STAB2: variants seen among roughly 807,000 people sequenced by gnomAD.
STAB2 encodes stabilin-2.
Under a neutral mutation model 338.1 loss-of-function variants are expected in STAB2, and 288 were observed. That is an observed-to-expected ratio of 0.85 (90% CI 0.77 to 0.94). STAB2 has a LOEUF of 0.94. STAB2 is among the 40% of genes least tolerant of loss of function. STAB2 has a pLI of 0.00. For synonymous variants in STAB2, 1,202 were observed against 1,193.3 expected, an observed-to-expected ratio of 1.01 and a Z score of -0.15; for missense variants, 3,141 against 3,210.1, an observed-to-expected ratio of 0.98 and a Z score of 0.52.
Position 103,655,365 on chromosome 12 carries a change from G to A in STAB2, c.1608+58G>A, listed in dbSNP as rs554431954. ...TTATGTCAAGACTTTTGTAAAATTA[G>A]CAGGGGTGTCAATTATAAATTTCTG... On this transcript the variant is annotated intron_variant, in intron 14 of 68. Coordinates refer to ENST00000388887, the MANE Select transcript of STAB2 (RefSeq NM_017564.10). 8.2e-5 allele frequency: 132 copies of A among 1,603,758 alleles called. No individual in the cohort carries two copies. The Middle Eastern group carries it at 1.5e-3, about 18-fold the overall frequency.
chr12:103,662,928 T>C lies in STAB2; in HGVS notation c.1952T>C (p.Val651Ala). The change falls in exon 18 of 69, where the codon GTT becomes GCT. Residue 651 changes from valine to alanine, a missense_variant. Val to Ala is a moderately conservative substitution (Grantham distance 64). Coordinates refer to ENST00000388887, the MANE Select transcript of STAB2 (RefSeq NM_017564.10). ...GGCCGAATTTACACACTGACAGGAG[T>C]TCTCATTCCTCCCTCCATTGTCCCG... ...KNGRIYTLTG[V>A]LIPPSIVPIL... 1 of 1,613,922 alleles carries C rather than the reference T, an allele frequency of 6.2e-7. No homozygotes were observed. Among genetic ancestry groups the C allele is most frequent in the Non-Finnish European group, 8.5e-7 (1 of 1,179,982 alleles).
At chr12:103,611,359 A>G (rs1387080029) in intron 3 of STAB2, among the ~76,000 whole-genome samples, 12 of 152,162 alleles carry the variant, frequency 7.9e-5, no homozygotes. Flanking sequence ...TTGGTTTATG[A>G]ATCTGGGTGC....
At position 103,638,115 on chromosome 12, in the gene STAB2, G is replaced by A. The variant is rs754981179; in HGVS notation, c.809G>A (p.Gly270Glu). 6.2e-7 allele frequency: 1 copy of A among 1,614,162 alleles called. No homozygotes were observed. The highest frequency in any genetic ancestry group is 1.1e-5 in the South Asian group (1 of 91,078). Reference protein sequence around the residue: ...HSCTCQEGYRGDGQVCLPVDP... With the variant: ...HSCTCQEGYREDGQVCLPVDP... ...TGTACATGCCAAGAAGGCTACCGTG[G>A]GGATGGCCAAGTGTGCTTGCCTGTG... The change falls in exon 8 of 69, where the codon GGG becomes GAG. Residue 270 changes from glycine (G) to glutamate (E), a missense_variant. Physicochemically the swap from Gly to Glu is moderately conservative, Grantham distance 98. Transcript: ENST00000388887.
At chr12:103,740,859 C>T in intron 55 of STAB2, 103 bp downstream of exon 55, 4 of 1,419,624 alleles carry the variant, frequency 2.8e-6, no homozygotes, top group Non-Finnish European at 3.7e-6. Context: ...ATGGGGGAAA[C>T]ACTGCTAATA....
chr12:103,603,134 G>A (rs142470196), intron 3 of STAB2, among the ~76,000 whole-genome samples: 2,425 of 152,126 alleles, frequency 0.016, 74 homozygotes, highest in African/African-American at 0.056. Flanking sequence ...GCAGTGGCGC[G>A]ATCTCGGCTC....
intron 1 of STAB2, among the ~76,000 whole-genome samples, chr12:103,589,633 C>T (rs1336042009): frequency 6.6e-6 from 1 of 152,116 alleles, no homozygotes; most frequent in Non-Finnish European, 1.5e-5. Flanking sequence ...CTCCACTGGG[C>T]CAGCCACAGG....
At chr12:103,756,998 TA>T (rs1884158942) in intron 63 of STAB2, among the ~76,000 whole-genome samples, 1 of 14,506 alleles carries the variant, frequency 6.9e-5, no homozygotes, top group East Asian at 1.6e-3. Context: ...GGAGGGAAAA[TA>T]TATATATATA....
intron 22 of STAB2, among the ~76,000 whole-genome samples, chr12:103,673,276 CA>C (rs560251914): frequency 5.0e-4 from 76 of 152,166 alleles, no homozygotes; most frequent in Non-Finnish European, 8.8e-4. Flanking sequence ...TGGCCTCTTT[CA>C]AAGCGTCACA....
chr12:103,677,343 A>G, intron 24 of STAB2, 110 bp from the exon 25 acceptor site: 1 of 1,394,430 alleles, frequency 7.2e-7, no homozygotes, highest in Non-Finnish European at 9.7e-7. Context: ...CACCTCACTC[A>G]ATGCAAATCT....
At position 103,655,530 on chromosome 12, in the gene STAB2, A is replaced by G; in HGVS notation, c.1683A>G (p.Glu561=). The part of the protein sequence containing the change: ...GPYTIFVPNN[E]ALNNMKDGTL... ...ACACCATTTTTGTTCCAAATAATGA[A>G]GCATTGAATAACATGAAGGACGGCA... Residue 561 remains glutamate, a synonymous_variant, in exon 15 of 69, where the codon GAA becomes GAG. Coordinates refer to ENST00000388887, the MANE Select transcript of STAB2 (RefSeq NM_017564.10). The G allele has an allele frequency of 6.2e-7, 1 of 1,614,036 alleles. No individual in the cohort carries two copies. The highest frequency in any genetic ancestry group is 8.5e-7 in the Non-Finnish European group (1 of 1,180,012).
chr12:103,692,983 C>T, intron 31 of STAB2, 94 bp downstream of exon 31: 1 of 997,550 alleles, frequency 1.0e-6, no homozygotes, highest in Non-Finnish European at 1.5e-6. Flanking sequence ...TAGAAAAATA[C>T]TTAGCCTTAT....
chr12:103,703,176 A>G lies in STAB2; in HGVS notation c.3743A>G (p.Tyr1248Cys). 1 of 1,613,998 alleles carries G rather than the reference A, an allele frequency of 6.2e-7. No homozygotes were observed. The highest frequency in any genetic ancestry group is 8.5e-7 in the Non-Finnish European group (1 of 1,180,020). ...QLYVNEAPIN[Y>C]TNVATDKGVI... The stretch of plus-strand genomic sequence containing the variant: ...TATGTAAATGAGGCTCCAATAAACT[A>G]CACCAATGTAGCCACTGATAAGGGA... The change falls in exon 35 of 69, where the codon TAC (tyrosine) becomes TGC (cysteine). Residue 1248 changes from tyrosine (Y) to cysteine (C), a missense_variant. Physicochemically the swap from Tyr to Cys is radical, Grantham distance 194. Coordinates refer to ENST00000388887, the MANE Select transcript of STAB2 (RefSeq NM_017564.10).
chr12:103,609,002 T>G (rs1957077977), intron 3 of STAB2, among the ~76,000 whole-genome samples: 1 of 152,234 alleles, frequency 6.6e-6, no homozygotes, highest in South Asian at 2.1e-4. Flanking sequence ...GTTGTAGATG[T>G]GTGGCATTAT....
rs1956967061 is a variant in STAB2 at position 103,602,402 on chromosome 12, G to A, written c.331+7892G>A. ...ACATCTGGGTTTGTTTCCAGTTTGGGGCAATTAAGAATAAAGCCACCACGG... is the reference window on the plus strand; with the variant it reads ...ACATCTGGGTTTGTTTCCAGTTTGGAGCAATTAAGAATAAAGCCACCACGG... On this transcript the variant is annotated intron_variant, in intron 3 of 68. Coordinates refer to ENST00000388887, the MANE Select transcript of STAB2 (RefSeq NM_017564.10). 2.0e-5 allele frequency among the ~76,000 whole-genome samples: 3 copies of A among 152,148 alleles called. No individual in the cohort carries two copies. The South Asian group carries it at 6.2e-4, about 32-fold the overall frequency.
chr12:103,746,965 T>A (rs977162693), intron 58 of STAB2, among the ~76,000 whole-genome samples: 2 of 149,416 alleles, frequency 1.3e-5, no homozygotes, highest in African/African-American at 4.9e-5. Flanking sequence ...TTTTTTTTTT[T>A]TTTTTTCCGA....
chr12:103,650,986 G>A (rs1381376025), intron 11 of STAB2, among the ~76,000 whole-genome samples: 2 of 152,198 alleles, frequency 1.3e-5, no homozygotes, highest in African/African-American at 2.4e-5. Flanking sequence ...AGCTAGATAT[G>A]TGGGTTTTTT....
intron 5 of STAB2, among the ~76,000 whole-genome samples, chr12:103,626,650 T>A (rs773241901): frequency 6.6e-6 from 1 of 152,230 alleles, no homozygotes; most frequent in Non-Finnish European, 1.5e-5. Flanking sequence ...TGACAAGGAC[T>A]ATGGAGACTG....
At chr12:103,632,318 A>G (rs1350784240) in intron 6 of STAB2, among the ~76,000 whole-genome samples, 1 of 152,228 alleles carries the variant, frequency 6.6e-6, no homozygotes, top group East Asian at 1.9e-4. Context: ...ATGCAAACAC[A>G]ACTCTAGAGA....
intron 22 of STAB2, among the ~76,000 whole-genome samples, chr12:103,673,160 G>A (rs1477858546): frequency 6.6e-6 from 1 of 152,088 alleles, no homozygotes; most frequent in Non-Finnish European, 1.5e-5. Context: ...CAGGAGTCCT[G>A]CCAGCATGGG....
Sources: gnomAD v4.1 joint callset for allele counts (sites outside exome capture counted in the v4.1 genomes callset) on GRCh38, gnomAD v4.1.1 for gene constraint, MANE v1.5 for transcripts, NCBI Gene and HGNC (gene_info 2026-07-23, HGNC 2026-07-21) for gene names.